LUZP2: variants seen among roughly 807,000 people sequenced by gnomAD.
LUZP2 encodes leucine zipper protein 2.
LUZP2 carries 52 observed loss-of-function variants against 51.6 expected under a neutral mutation model. The observed-to-expected ratio is 1.01, with a 90% CI of 0.81 to 1.27. The LOEUF is 1.27. Among genes scored for constraint, LUZP2 ranks in the 50% most tolerant of loss-of-function variants. LUZP2 has a pLI of 0.00. For missense variants in LUZP2, 436 were observed against 395.4 expected, an observed-to-expected ratio of 1.10 and a Z score of -0.87; for synonymous variants, 154 against 137.3, an observed-to-expected ratio of 1.12 and a Z score of -0.85.
intron 5 of LUZP2, among the ~76,000 whole-genome samples, chr11:24,840,475 A>G (rs114964541): frequency 0.012 from 1,758 of 152,020 alleles, 40 homozygotes; most frequent in African/African-American, 0.04. Flanking sequence ...CCTCTTTTGT[A>G]GATGGGAAAG....
At chr11:24,915,390 C>T (rs781094463) in intron 7 of LUZP2, among the ~76,000 whole-genome samples, 1 of 152,008 alleles carries the variant, frequency 6.6e-6, no homozygotes, top group Non-Finnish European at 1.5e-5. Context: ...TAAAGATATA[C>T]ATATTGTGTC....
chr11:24,536,183 T>G (rs965380674), intron 1 of LUZP2, among the ~76,000 whole-genome samples: 1 of 151,782 alleles, frequency 6.6e-6, no homozygotes, highest in Non-Finnish European at 1.5e-5. Context: ...CAGAGTAGAT[T>G]TAGCATACCT....
At chr11:24,861,684 G>A (rs911003124) in intron 5 of LUZP2, among the ~76,000 whole-genome samples, 8 of 152,296 alleles carry the variant, frequency 5.3e-5, no homozygotes, top group Admixed American at 5.2e-4. Context: ...CAAACAGCTG[G>A]AGCTGCTTGC....
chr11:24,529,799 T>C (rs10500983), intron 1 of LUZP2, among the ~76,000 whole-genome samples: 2,706 of 151,064 alleles, frequency 0.018, 77 homozygotes, highest in African/African-American at 0.06. Context: ...TGTCAAAAAC[T>C]GTATAAACAA....
chr11:24,833,722 A>ACG (rs71670009), intron 5 of LUZP2, among the ~76,000 whole-genome samples: 3 of 148,430 alleles, frequency 2.0e-5, no homozygotes, highest in Admixed American at 6.8e-5. Context: ...GCACACACAC[A>ACG]CACACACACT....
chr11:24,726,949 G>A (rs373521105), intron 1 of LUZP2, among the ~76,000 whole-genome samples: 1 of 152,096 alleles, frequency 6.6e-6, no homozygotes, highest in Admixed American at 6.6e-5. Flanking sequence ...GACCTTAAAT[G>A]TTTGAATCTA....
chr11:24,693,612 A>G (rs1456081223), intron 1 of LUZP2, among the ~76,000 whole-genome samples: 1 of 152,010 alleles, frequency 6.6e-6, no homozygotes, highest in East Asian at 1.9e-4. Context: ...GTTTTTCATA[A>G]AAGAAACTAT....
chr11:25,035,441 A>G (rs1857825919), intron 9 of LUZP2, among the ~76,000 whole-genome samples: 2 of 152,092 alleles, frequency 1.3e-5, no homozygotes, highest in Admixed American at 6.6e-5. Context: ...TACAAAAGCC[A>G]GAAAGAAAAA....
chr11:24,990,737 A>T (rs966286773), intron 9 of LUZP2, among the ~76,000 whole-genome samples: 1 of 152,100 alleles, frequency 6.6e-6, no homozygotes, highest in Non-Finnish European at 1.5e-5. Flanking sequence ...CATTCGAGTT[A>T]GAAATATAAA....
At chr11:24,740,097 T>A (rs1024081855) in intron 4 of LUZP2, among the ~76,000 whole-genome samples, 1 of 152,142 alleles carries the variant, frequency 6.6e-6, no homozygotes. Context: ...TGACAAACAA[T>A]GGTAGAGCAG....
rs548069207 is a variant in LUZP2 at position 24,687,360 on chromosome 11, T to G, written c.63-41809T>G. Among the ~76,000 whole-genome samples the G allele has an allele frequency of 3.9e-5, 6 of 152,300 alleles. No homozygotes were observed. In the East Asian group the frequency reaches 1.2e-3, roughly 29 times the overall value. On this transcript the variant is annotated intron_variant, in intron 1 of 11. Coordinates refer to ENST00000336930, the MANE Select transcript of LUZP2 (RefSeq NM_001009909.4). ...CATTGTCATAGGCAAAAATCATTCTTGATAAACAAAGTATGAGGTAGAATT... is the reference window on the plus strand; with the variant it reads ...CATTGTCATAGGCAAAAATCATTCTGGATAAACAAAGTATGAGGTAGAATT...
rs190976748 is a variant in LUZP2, at chr11:24,582,554, T to C, written c.62+85249T>C. Among the ~76,000 whole-genome samples, 6 of 152,236 alleles carry C rather than the reference T, an allele frequency of 3.9e-5. No homozygotes were observed. The East Asian group carries it at 9.7e-4, about 25-fold the overall frequency. On this transcript the variant is annotated intron_variant, in intron 1 of 11. Transcript: ENST00000336930. Reference sequence around the variant, plus strand: ...ATGTAAAGTAAAAATGAAATAACTTTTAAGAATATATCTCAAGTTTTTTCA... The same window carrying C: ...ATGTAAAGTAAAAATGAAATAACTTCTAAGAATATATCTCAAGTTTTTTCA...
intron 7 of LUZP2, among the ~76,000 whole-genome samples, chr11:24,925,096 G>A (rs1009035909): frequency 2.0e-5 from 3 of 151,988 alleles, no homozygotes; most frequent in Admixed American, 1.3e-4. Context: ...TTCAAAATAC[G>A]TCAAAGAAAT....
At chr11:25,045,966 G>T (rs1002038655) in intron 9 of LUZP2, among the ~76,000 whole-genome samples, 1 of 152,136 alleles carries the variant, frequency 6.6e-6, no homozygotes, top group Admixed American at 6.5e-5. Flanking sequence ...GGCACAGGCA[G>T]AAATAAACTT....
chr11:24,952,512 T>G (rs1048906335), intron 7 of LUZP2, among the ~76,000 whole-genome samples: 1 of 151,616 alleles, frequency 6.6e-6, no homozygotes, highest in Non-Finnish European at 1.5e-5. Flanking sequence ...AGGTGGGAAG[T>G]GAGGCAGTTT....
intron 1 of LUZP2, among the ~76,000 whole-genome samples, chr11:24,724,222 C>T (rs1279092645): frequency 2.4e-4 from 37 of 152,090 alleles, no homozygotes; most frequent in Admixed American, 2.4e-3. Context: ...AAGATAGTAT[C>T]ACTTGAAAAT....
intron 7 of LUZP2, among the ~76,000 whole-genome samples, chr11:24,967,997 GTTC>G (rs1855636612): frequency 3.9e-5 from 6 of 152,124 alleles, no homozygotes; most frequent in Middle Eastern, 3.4e-3. Flanking sequence ...TTTAATTGTT[GTTC>G]TAGAATGCTG....
chr11:24,732,685 A>C (rs538489345), intron 3 of LUZP2, among the ~76,000 whole-genome samples: 3 of 151,728 alleles, frequency 2.0e-5, no homozygotes, highest in Admixed American at 2.0e-4. Context: ...ATATTATGAA[A>C]TATACTTGTG....
At chr11:25,072,727 G>A (rs892267424) in intron 10 of LUZP2, among the ~76,000 whole-genome samples, 1 of 151,910 alleles carries the variant, frequency 6.6e-6, no homozygotes, top group Non-Finnish European at 1.5e-5. Flanking sequence ...TTGTTTCCAA[G>A]GGAGCTTCCC....
Sources: allele counts gnomAD v4.1 joint callset (sites outside exome capture counted in the v4.1 genomes callset), GRCh38; gene constraint gnomAD v4.1.1; transcripts MANE v1.5; gene names NCBI Gene and HGNC (gene_info 2026-07-23, HGNC 2026-07-21).